ATAD2B: variants seen among roughly 807,000 people sequenced by gnomAD.
ATAD2B encodes the protein ATPase family AAA domain-containing protein 2B.
Under a neutral mutation model 167.6 loss-of-function variants are expected in ATAD2B, and 40 were observed. The observed-to-expected ratio is 0.24, with a 90% CI of 0.19 to 0.31. ATAD2B has a LOEUF of 0.31. Among genes scored for constraint, ATAD2B ranks in the 10% least tolerant of loss-of-function variants. The pLI is 1.00. For missense variants in ATAD2B, 1,242 were observed against 1,757.2 expected (o/e 0.71, Z 5.24); for synonymous variants, 579 against 596.5 (o/e 0.97, Z 0.43).
At chr2:23,812,133 G>GA (rs532255196) in intron 17 of ATAD2B, among the ~76,000 whole-genome samples, 1 of 151,746 alleles carries the variant, frequency 6.6e-6, no homozygotes, top group Non-Finnish European at 1.5e-5. Context: ...AGCAAAAAGG[G>GA]AAAAAATTGA....
chr2:23,731,254 A>G, the ATAD2B span, among the ~76,000 whole-genome samples: 1 of 152,250 alleles, frequency 6.6e-6, no homozygotes, highest in South Asian at 2.1e-4. Flanking sequence ...AGAATCTATC[A>G]TTAATCTTAC....
chr2:23,918,579 A>G lies in ATAD2B; in HGVS notation c.216+7976T>C, dbSNP rs541184790. 1.1e-4 allele frequency among the ~76,000 whole-genome samples: 16 copies of G among 152,276 alleles called. No homozygotes were observed. The East Asian group carries it at 2.9e-3, about 28-fold the overall frequency. ...GAAAATTACTGAAAATTATTGTCCT[A>G]TATTTCATATCCCTATATGTTACTA... On this transcript the variant is annotated intron_variant, in intron 1 of 27. Coordinates refer to ENST00000238789, the MANE Select transcript of ATAD2B (RefSeq NM_017552.4).
chr2:23,906,217 T>C (rs1400932454), intron 1 of ATAD2B, among the ~76,000 whole-genome samples: 1 of 151,724 alleles, frequency 6.6e-6, no homozygotes. Context: ...GGTGGGCGCC[T>C]GTAATCCCAG....
intron 1 of ATAD2B, among the ~76,000 whole-genome samples, chr2:23,922,642 C>T (rs780232664): frequency 2.7e-5 from 4 of 146,334 alleles, no homozygotes; most frequent in Admixed American, 7.0e-5. Flanking sequence ...ATGGGCAAAG[C>T]AGGATTTTAA....
At chr2:23,797,608 A>T (rs957678395) in intron 19 of ATAD2B, among the ~76,000 whole-genome samples, 1 of 152,164 alleles carries the variant, frequency 6.6e-6, no homozygotes. Context: ...TCAGATTTCA[A>T]ACCTTTTCAG....
At chr2:23,695,375 A>G in the ATAD2B span, among the ~76,000 whole-genome samples, 2 of 151,354 alleles carry the variant, frequency 1.3e-5, no homozygotes, top group Admixed American at 1.3e-4. The surrounding 1 kb of genome is among the most constrained non-coding windows in gnomAD (Gnocchi z 7.6). Flanking sequence ...ACATGCTCCC[A>G]CTCCTGCAGG....
chr2:23,898,454 C>T (rs1458669736), intron 1 of ATAD2B, among the ~76,000 whole-genome samples: 1 of 152,186 alleles, frequency 6.6e-6, no homozygotes, highest in African/African-American at 2.4e-5. Flanking sequence ...TGTAAGCCCT[C>T]CATCTTTCCC....
chr2:23,710,121 T>G, the ATAD2B span, among the ~76,000 whole-genome samples: 3 of 152,082 alleles, frequency 2.0e-5, no homozygotes, highest in Non-Finnish European at 4.4e-5. Context: ...TGTATGATTT[T>G]TTTTAAACCC....
At chr2:23,782,848 C>G (rs755239544) in intron 22 of ATAD2B, 21 bp downstream of exon 22, 5 of 1,592,498 alleles carry the variant, frequency 3.1e-6, no homozygotes, top group African/African-American at 1.3e-5. Context: ...TCAAGGGGAA[C>G]CTTGCCCTAT....
intron 21 of ATAD2B, among the ~76,000 whole-genome samples, chr2:23,785,503 C>T (rs1047707722): frequency 6.6e-6 from 1 of 152,024 alleles, no homozygotes; most frequent in Non-Finnish European, 1.5e-5. Context: ...CCACTGGGAG[C>T]AGAGAAAATC....
chr2:23,898,895 T>C (rs891095567), intron 1 of ATAD2B, among the ~76,000 whole-genome samples: 11 of 152,236 alleles, frequency 7.2e-5, no homozygotes, highest in Non-Finnish European at 1.5e-4. Context: ...ATGCCTGTAA[T>C]CCCAGCACTT....
At chr2:23,743,398 C>T in the ATAD2B span, among the ~76,000 whole-genome samples, 1 of 151,968 alleles carries the variant, frequency 6.6e-6, no homozygotes, top group Non-Finnish European at 1.5e-5. Flanking sequence ...GAAACCCCAT[C>T]TCTGCGAAAT....
At chr2:23,769,270 C>T (rs1677925816) in intron 22 of ATAD2B, among the ~76,000 whole-genome samples, 1 of 152,034 alleles carries the variant, frequency 6.6e-6, no homozygotes. Context: ...GAAACCCCAT[C>T]TCTAATAAAA....
At chr2:23,803,120 T>C (rs752710911) in intron 18 of ATAD2B, among the ~76,000 whole-genome samples, 1 of 152,120 alleles carries the variant, frequency 6.6e-6, no homozygotes, top group Non-Finnish European at 1.5e-5. Context: ...AAGAGAATCA[T>C]AGTTTTGTTT....
Position 23,762,350 on chromosome 2 carries a change from C to A in ATAD2B, c.3257-4G>T. On this transcript the variant is annotated splice_region_variant and splice_polypyrimidine_tract_variant and intron_variant, in intron 23 of 27. Transcript: ENST00000238789. ...TGTTCTGATGTTACTGATAAGCCTGCAAGCAGAAGATAAGCAATACCTCTT... is the reference window on the plus strand; with the variant it reads ...TGTTCTGATGTTACTGATAAGCCTGAAAGCAGAAGATAAGCAATACCTCTT... 6.2e-7 allele frequency: 1 copy of A among 1,610,148 alleles called. No individual in the cohort carries two copies. Among genetic ancestry groups the A allele is most frequent in the Non-Finnish European group, 8.5e-7 (1 of 1,178,396 alleles).
intron 1 of ATAD2B, among the ~76,000 whole-genome samples, chr2:23,915,678 T>TCC (rs1306431606): frequency 7.5e-6 from 1 of 133,734 alleles, no homozygotes; most frequent in Non-Finnish European, 1.5e-5. Flanking sequence ...TGCAGCCTCC[T>TCC]CCTCCTGGGT....
chr2:23,750,838 A>C lies in ATAD2B; in HGVS notation c.*1208T>G, dbSNP rs1404992820. 1 of 152,162 alleles carries C rather than the reference A, an allele frequency of 6.6e-6. No individual in the cohort carries two copies. The highest frequency in any genetic ancestry group is 2.1e-4 in the South Asian group (1 of 4,832). 9.4% of individuals were successfully genotyped at this position (152,162 alleles called of 1,614,324 possible). A position where few individuals can be genotyped will look rare whatever the true frequency, so the allele number is the denominator to read the frequency against. On this transcript the variant is annotated 3_prime_UTR_variant, in exon 28 of 28. Coordinates refer to ENST00000238789, the MANE Select transcript of ATAD2B (RefSeq NM_017552.4). The stretch of plus-strand genomic sequence containing the variant: ...TACAATTCACAGAAATCACTCAACA[A>C]GATTCAAAATGGTTTCCAATCAAAA...
chr2:23,865,402 G>A (rs1280673522), intron 10 of ATAD2B, among the ~76,000 whole-genome samples: 8 of 151,956 alleles, frequency 5.3e-5, no homozygotes, highest in East Asian at 1.9e-4. Context: ...GGTGGCGCAC[G>A]CCTGTAATCC....
chr2:23,879,363 T>G (rs1234939425), intron 7 of ATAD2B, among the ~76,000 whole-genome samples: 2 of 150,870 alleles, frequency 1.3e-5, no homozygotes, highest in Non-Finnish European at 2.9e-5. Context: ...ATCACAGTGC[T>G]TTGGAAGGCC....
Sources: gnomAD v4.1 joint callset for allele counts (sites outside exome capture counted in the v4.1 genomes callset) on GRCh38, gnomAD v4.1.1 for gene constraint, Gnocchi (gnomAD v3.1) non-coding constraint, MANE v1.5 for transcripts, NCBI Gene and HGNC (gene_info 2026-07-23, HGNC 2026-07-21) for gene names.